The following NEBL variants were observed in gnomAD, a reference collection of about 807,000 sequenced individuals.
The protein encoded by NEBL is nebulette, also known as LIM and SH3 protein 2.
In NEBL, 122 loss-of-function variants were observed where a neutral mutation model predicts 140.2. That is an observed-to-expected ratio of 0.87 (90% CI 0.75 to 1.01). NEBL has a LOEUF of 1.01. Ranked by LOEUF, NEBL falls within the 50% of genes least tolerant of loss-of-function variation. NEBL has a pLI of 0.00. For missense variants in NEBL, 1,365 were observed against 1,231.3 expected (o/e 1.11, Z -1.62); for synonymous variants, 436 against 398.9 (o/e 1.09, Z -1.11).
chr10:20,869,792 A>G lies in NEBL; in HGVS notation c.530T>C (p.Leu177Pro). ...TGCCATCTTGATGTCTGGTCGGTCA[A>G]GTTCTGCACTGTACGTGTGGGTGTC... ...VQDTHTYSAELDRPDIKMATQ... is the reference protein window; with the variant it reads ...VQDTHTYSAEPDRPDIKMATQ... The change falls in exon 6 of 28, where the codon CTT (leucine) becomes CCT (proline). Residue 177 changes from leucine (L) to proline (P), a missense_variant. This residue lies in a region of NEBL where 1,323 missense variants were observed against 1,154.8 expected (regional missense o/e 1.15). Coordinates refer to ENST00000377122, the MANE Select transcript of NEBL (RefSeq NM_006393.3). The G allele has an allele frequency of 1.1e-5, 17 of 1,613,690 alleles. No homozygotes were observed. The highest frequency in any genetic ancestry group is 1.4e-5 in the Non-Finnish European group (17 of 1,179,658).
At chr10:21,057,631 C>T (rs1251425532) in intron 2 of NEBL, among the ~76,000 whole-genome samples, 1 of 141,506 alleles carries the variant, frequency 7.1e-6, no homozygotes, top group Non-Finnish European at 1.5e-5. Context: ...CTCACGGCAA[C>T]CTCTGCCTCC....
chr10:21,227,791 TTTC>T (rs148503650), intron 3 of NEBL, among the ~76,000 whole-genome samples: 5,156 of 146,454 alleles, frequency 0.035, 239 homozygotes, highest in African/African-American at 0.1. Flanking sequence ...CTTTCTCTTC[TTTC>T]TTCTTCTTCT....
intron 3 of NEBL, among the ~76,000 whole-genome samples, chr10:21,183,323 A>G (rs1295963487): frequency 6.6e-6 from 1 of 152,198 alleles, no homozygotes; most frequent in Non-Finnish European, 1.5e-5. Flanking sequence ...AAGGAAAGAA[A>G]GGCGTGAGGA....
chr10:21,141,081 C>G (rs572940240), intron 2 of NEBL, among the ~76,000 whole-genome samples: 1 of 147,348 alleles, frequency 6.8e-6, no homozygotes, highest in South Asian at 2.1e-4. Flanking sequence ...AAAACCTGCT[C>G]TATGCTCTTC....
intron 2 of NEBL, among the ~76,000 whole-genome samples, chr10:21,073,322 C>T: frequency 7.4e-6 from 1 of 134,622 alleles, no homozygotes; most frequent in East Asian, 2.2e-4. Context: ...GACCCTGTCT[C>T]AAAAAAAAAA....
intron 3 of NEBL, among the ~76,000 whole-genome samples, chr10:21,224,518 T>C (rs1049241680): frequency 5.9e-5 from 9 of 152,176 alleles, no homozygotes; most frequent in Admixed American, 4.6e-4. Flanking sequence ...ATTCCATACA[T>C]TTTAAGATTT....
intron 12 of NEBL, among the ~76,000 whole-genome samples, chr10:20,843,485 T>C (rs991262522): frequency 2.6e-5 from 4 of 152,092 alleles, no homozygotes; most frequent in Admixed American, 2.0e-4. Context: ...AAGTCATTTA[T>C]GAATCTCAAA....
At chr10:21,252,966 A>G (rs1203461547) in intron 1 of NEBL, among the ~76,000 whole-genome samples, 1 of 152,158 alleles carries the variant, frequency 6.6e-6, no homozygotes, top group Non-Finnish European at 1.5e-5. Flanking sequence ...AAAAAAGCAA[A>G]TAAATAAGGC....
At chr10:20,862,444 T>C (rs921319448) in intron 7 of NEBL, among the ~76,000 whole-genome samples, 1 of 152,184 alleles carries the variant, frequency 6.6e-6, no homozygotes, top group Admixed American at 6.5e-5. Context: ...CTGTAAGGAA[T>C]GCAGGTAAAA....
At chr10:20,792,010 AT>A (rs898423999) in intron 26 of NEBL, among the ~76,000 whole-genome samples, 1 of 152,126 alleles carries the variant, frequency 6.6e-6, no homozygotes, top group Admixed American at 6.5e-5. Flanking sequence ...CAGCAAAAAA[AT>A]TATTTGTGCA....
At chr10:20,988,372 A>C (rs1837335688) in intron 3 of NEBL, among the ~76,000 whole-genome samples, 1 of 152,162 alleles carries the variant, frequency 6.6e-6, no homozygotes. Context: ...ATTGATAATA[A>C]TTTTTATTTT....
intron 2 of NEBL, among the ~76,000 whole-genome samples, chr10:20,893,564 A>ATTT (rs1450542647): frequency 2.6e-5 from 4 of 152,200 alleles, no homozygotes; most frequent in Non-Finnish European, 5.9e-5. Flanking sequence ...AAGTGAAGCC[A>ATTT]CTTGACCTGA....
chr10:20,919,731 G>A (rs991697571), intron 4 of NEBL, among the ~76,000 whole-genome samples: 8 of 152,174 alleles, frequency 5.3e-5, no homozygotes, highest in African/African-American at 1.7e-4. Context: ...ACAAAACATA[G>A]GGGAATTGCT....
intron 4 of NEBL, among the ~76,000 whole-genome samples, chr10:20,922,777 C>T (rs986571511): frequency 2.0e-5 from 3 of 152,190 alleles, no homozygotes; most frequent in African/African-American, 4.8e-5. Flanking sequence ...CCATCCCTTC[C>T]GTTGCTCCCC....
chr10:21,227,339 T>C (rs777856179), intron 3 of NEBL, among the ~76,000 whole-genome samples: 1 of 152,256 alleles, frequency 6.6e-6, no homozygotes, highest in Non-Finnish European at 1.5e-5. Flanking sequence ...AGCATTAGTG[T>C]ATACCATTTA....
At chr10:20,847,994 A>ATT (rs376309590) in intron 11 of NEBL, among the ~76,000 whole-genome samples, 1 of 152,040 alleles carries the variant, frequency 6.6e-6, no homozygotes, top group African/African-American at 2.4e-5. Context: ...CAAACTGCAC[A>ATT]TTTTTTTTCT....
At chr10:20,883,196 G>T (rs1231910154) in intron 4 of NEBL, among the ~76,000 whole-genome samples, 1 of 152,098 alleles carries the variant, frequency 6.6e-6, no homozygotes, top group Non-Finnish European at 1.5e-5. Flanking sequence ...CACATCCACG[G>T]ACCACAACAT....
chr10:20,943,998 G>A (rs572410753), intron 4 of NEBL, among the ~76,000 whole-genome samples: 4 of 152,150 alleles, frequency 2.6e-5, no homozygotes, highest in African/African-American at 4.8e-5. Flanking sequence ...AACAAGAGGC[G>A]GTTAAGTTTT....
intron 11 of NEBL, among the ~76,000 whole-genome samples, chr10:20,845,776 C>T (rs944914960): frequency 6.6e-6 from 1 of 152,122 alleles, no homozygotes; most frequent in Admixed American, 6.6e-5. Flanking sequence ...CAAACCCAAG[C>T]AGCATTAATG....
Sources: gnomAD v4.1 joint callset for allele counts (sites outside exome capture counted in the v4.1 genomes callset) on GRCh38, gnomAD v4.1.1 for gene constraint, gnomAD v4.1.1 regional missense constraint, MANE v1.5 for transcripts, NCBI Gene and HGNC (gene_info 2026-07-23, HGNC 2026-07-21) for gene names.